The following ADGRD1 variants were observed in gnomAD, a reference collection of about 807,000 sequenced individuals.
The protein encoded by ADGRD1 is G-protein coupled receptor 133.
ADGRD1 carries 77 observed loss-of-function variants against 113.4 expected under a neutral mutation model. That is an observed-to-expected ratio of 0.68 (90% CI 0.57 to 0.82). The LOEUF (loss-of-function observed/expected upper bound fraction) is 0.82. Ranked by LOEUF, ADGRD1 falls within the 40% of genes least tolerant of loss-of-function variation. The probability of loss-of-function intolerance (pLI) is 0.00; values close to 1 mark genes in which losing one functional copy is unlikely to be tolerated. For synonymous variants in ADGRD1, 474 were observed against 475.0 expected, an observed-to-expected ratio of 1.00 and a Z score of 0.03; for missense variants, 1,036 against 1,139.1, an observed-to-expected ratio of 0.91 and a Z score of 1.30.
At position 131,057,924 on chromosome 12, in the gene ADGRD1, T is replaced by A. The variant is rs1204855349; in HGVS notation, c.1474-18877T>A. Among the ~76,000 whole-genome samples, 1 of 152,210 alleles carries A rather than the reference T, an allele frequency of 6.6e-6. No individual in the cohort carries two copies. The highest frequency in any genetic ancestry group is 1.5e-5 in the Non-Finnish European group (1 of 68,042). ...CTGACCGCAGCCGTCTTCGTGCTCA[T>A]CTCGCTTCTTTCTTGTTCATGTTTT... On this transcript the variant is annotated intron_variant, in intron 13 of 24. Transcript: ENST00000261654. The surrounding 1 kb of genome is among the most constrained non-coding windows in gnomAD (Gnocchi z 4.2).
At chr12:130,992,189 T>C in intron 7 of ADGRD1, 48 bp from the exon 8 acceptor site, 2 of 1,449,416 alleles carry the variant, frequency 1.4e-6, no homozygotes, top group South Asian at 1.2e-5. Flanking sequence ...CTGTATAATA[T>C]TTTGGTTTTA....
At chr12:131,032,442 C>T (rs1283639199) in intron 13 of ADGRD1, among the ~76,000 whole-genome samples, 6 of 152,064 alleles carry the variant, frequency 3.9e-5, no homozygotes, top group Admixed American at 3.3e-4. Flanking sequence ...GCGATGCCTC[C>T]GCTGACACGT....
chr12:131,061,467 C>T (rs1309457635), intron 13 of ADGRD1, among the ~76,000 whole-genome samples: 3 of 152,198 alleles, frequency 2.0e-5, no homozygotes, highest in African/African-American at 7.2e-5. Flanking sequence ...CTTGTGTTTC[C>T]CCCAGCTAGA....
intron 15 of ADGRD1, among the ~76,000 whole-genome samples, chr12:131,093,057 C>T (rs1887022646): frequency 1.3e-5 from 2 of 151,944 alleles, no homozygotes; most frequent in Admixed American, 6.5e-5. Context: ...TGCCCCTCCT[C>T]ATCACGTTCG....
chr12:131,097,388 C>T (rs1593207818), intron 15 of ADGRD1, among the ~76,000 whole-genome samples: 2 of 152,340 alleles, frequency 1.3e-5, no homozygotes, highest in African/African-American at 4.8e-5. Context: ...GATCTCCTGC[C>T]TGTGGCCAGT....
At chr12:131,135,525 G>A (rs73470831) in intron 21 of ADGRD1, among the ~76,000 whole-genome samples, 4,424 of 152,208 alleles carry the variant, frequency 0.029, 227 homozygotes, top group African/African-American at 0.1. Context: ...AGGAGGGCTC[G>A]GGTGATCAGC....
chr12:131,018,508 C>G (rs142592413), intron 13 of ADGRD1, among the ~76,000 whole-genome samples: 2 of 151,984 alleles, frequency 1.3e-5, no homozygotes, highest in Non-Finnish European at 2.9e-5. Flanking sequence ...GGCCGCCTCA[C>G]GCAGCGCTTC....
chr12:131,086,321 G>A (rs545028471), intron 15 of ADGRD1, among the ~76,000 whole-genome samples: 70 of 152,142 alleles, frequency 4.6e-4, no homozygotes, highest in Admixed American at 1.0e-3. Flanking sequence ...TCCTAGCTTC[G>A]CCTTCTCCCA....
At chr12:131,052,313 G>T (rs1245823278) in intron 13 of ADGRD1, among the ~76,000 whole-genome samples, 1 of 152,188 alleles carries the variant, frequency 6.6e-6, no homozygotes, top group African/African-American at 2.4e-5. Flanking sequence ...GCTGGCGTGG[G>T]TGGGCACCTG....
chr12:131,076,929 G>C, intron 14 of ADGRD1, 55 bp downstream of exon 14: 1 of 1,390,936 alleles, frequency 7.2e-7, no homozygotes, highest in Non-Finnish European at 1.0e-6. Context: ...GCCCAGGCCC[G>C]CCCCATGCCA....
chr12:130,989,009 C>G (rs1181837937), intron 6 of ADGRD1: 2 of 152,226 alleles, frequency 1.3e-5, no homozygotes, highest in Non-Finnish European at 2.9e-5. Context: ...ATGCTGGTCT[C>G]AGAAGGAACA....
rs1412767216 is a variant in ADGRD1 at position 131,105,870 on chromosome 12, G to C, written c.1887+5G>C. 1 of 1,587,374 alleles carries C rather than the reference G, an allele frequency of 6.3e-7. No homozygotes were observed. Among genetic ancestry groups the C allele is most frequent in the Non-Finnish European group, 8.5e-7 (1 of 1,170,986 alleles). Reference sequence around the variant, plus strand: ...TTCCGCCTCGAGCCGGGCACGGTGAGTGGGCGCAGCTCCGTGTTCCTGCGC... The same window carrying C: ...TTCCGCCTCGAGCCGGGCACGGTGACTGGGCGCAGCTCCGTGTTCCTGCGC... On this transcript the variant is annotated splice_donor_5th_base_variant and intron_variant, in intron 17 of 24. Coordinates refer to ENST00000261654, the MANE Select transcript of ADGRD1 (RefSeq NM_198827.5).
At chr12:130,993,819 C>A (rs1874772205) in intron 8 of ADGRD1, 1 of 153,720 alleles carries the variant, frequency 6.5e-6, no homozygotes, top group African/African-American at 2.4e-5. Context: ...TCTTCACTCA[C>A]AGCAGGGGCT....
chr12:130,996,629 C>T (rs1432873080), intron 8 of ADGRD1, among the ~76,000 whole-genome samples: 6 of 111,058 alleles, frequency 5.4e-5, no homozygotes, highest in African/African-American at 2.1e-4. Context: ...CCCTCACCTC[C>T]CGGACGAGGC....
In ADGRD1 at chr12:131,076,840, C is replaced by G. The variant is rs765087614; in HGVS notation, c.1513C>G (p.Arg505Gly). Residue 505 changes from arginine (R) to glycine (G), a missense_variant, in exon 14 of 25, where the codon CGA becomes GGA. Physicochemically the swap from Arg to Gly is moderately radical, Grantham distance 125. Coordinates refer to ENST00000261654, the MANE Select transcript of ADGRD1 (RefSeq NM_198827.5). The part of the protein sequence containing the change: ...QHSEATNSSN[R>G]VFVYCAFLDF... ...CAGTGAGGCCACCAACAGCAGCAAC[C>G]GAGTCTTCGTGTACTGCGCCTTCCT... is the stretch of plus-strand genomic sequence containing the variant. The G allele has an allele frequency of 1.2e-6, 2 of 1,614,142 alleles. No homozygotes were observed. The highest frequency in any genetic ancestry group is 2.2e-5 in the East Asian group (1 of 44,884).
Position 131,044,786 on chromosome 12 carries a change from C to T in ADGRD1, c.1473+30446C>T, listed in dbSNP as rs558937630. Among the ~76,000 whole-genome samples the T allele has an allele frequency of 1.7e-4, 26 of 152,352 alleles. No individual in the cohort carries two copies. The East Asian group carries it at 3.9e-3, about 23-fold the overall frequency. ...TCACGCTGCCAGTGTGGTTCTGAGC[C>T]GCAGCGGCGCTCTGGGAGACTTCCT... On this transcript the variant is annotated intron_variant, in intron 13 of 24. Transcript: ENST00000261654.
intron 4 of ADGRD1, chr12:130,978,861 T>C (rs1278128794): frequency 6.6e-6 from 1 of 152,244 alleles, no homozygotes; most frequent in Non-Finnish European, 1.5e-5. Context: ...ATAACAAAAA[T>C]TTCACAACGC....
At chr12:131,104,371 G>T (rs1014599952) in intron 15 of ADGRD1, among the ~76,000 whole-genome samples, 37 of 152,198 alleles carry the variant, frequency 2.4e-4, no homozygotes, top group African/African-American at 8.9e-4. Flanking sequence ...GAGTCCTTGC[G>T]GCCACTGTGG....
At chr12:130,987,430 C>A in intron 6 of ADGRD1, 81 bp downstream of exon 6, 1 of 1,527,096 alleles carries the variant, frequency 6.5e-7, no homozygotes, top group Non-Finnish European at 8.9e-7. Context: ...TCTCCCCACT[C>A]TCCCGTTGCA....
Sources: allele counts gnomAD v4.1 joint callset (sites outside exome capture counted in the v4.1 genomes callset), GRCh38; gene constraint gnomAD v4.1.1; non-coding constraint Gnocchi (gnomAD v3.1); transcripts MANE v1.5; gene names NCBI Gene and HGNC (gene_info 2026-07-23, HGNC 2026-07-21).